PKHD1: variants seen among roughly 807,000 people sequenced by gnomAD.
PKHD1 encodes PKHD1 ciliary IPT domain containing fibrocystin/polyductin, also known as fibrocystin.
In PKHD1, 291 loss-of-function variants were observed where a neutral mutation model predicts 412.0. The observed-to-expected ratio is 0.71, with a 90% CI of 0.64 to 0.78. The LOEUF is 0.78. Ranked by LOEUF, PKHD1 falls within the 30% of genes least tolerant of loss-of-function variation. The pLI, the probability that PKHD1 is intolerant of heterozygous loss-of-function variation, is 0.00. For synonymous variants in PKHD1, 1,777 were observed against 1,821.5 expected (o/e 0.98, Z 0.62); for missense variants, 4,825 against 4,950.7 (o/e 0.97, Z 0.76).
At chr6:51,983,258 T>C (rs1463494923) in intron 35 of PKHD1, among the ~76,000 whole-genome samples, 1 of 152,228 alleles carries the variant, frequency 6.6e-6, no homozygotes, top group Non-Finnish European at 1.5e-5. Context: ...CTGCCTAGAC[T>C]ACAAAAAATA....
chr6:51,858,327 G>GAAACC (rs1283862434), intron 48 of PKHD1, among the ~76,000 whole-genome samples: 1 of 152,120 alleles, frequency 6.6e-6, no homozygotes, highest in Non-Finnish European at 1.5e-5. Context: ...TCCCCTGATG[G>GAAACC]AAACCATGAG....
rs1210348558 is a variant in PKHD1 at position 51,934,238 on chromosome 6, A to G, written c.5993T>C (p.Ile1998Thr). The change falls in exon 37 of 67, where the codon ATT becomes ACT. Residue 1998 changes from isoleucine (I) to threonine (T), a missense_variant. By Grantham distance (89) the Ile-to-Thr change is moderately conservative. Coordinates refer to ENST00000371117, the MANE Select transcript of PKHD1 (RefSeq NM_138694.4). ...TTGGAAGGGCTTGTCTTCGGATCCA[A>G]TCCGGAGCTCTCCACCATCAGAAAC... ...ILVSDGGELRIGSEDKPFQGR... is the reference protein window; with the variant it reads ...ILVSDGGELRTGSEDKPFQGR... 1 of 1,613,890 alleles carries G rather than the reference A, an allele frequency of 6.2e-7. No individual in the cohort carries two copies. Among genetic ancestry groups the G allele is most frequent in the South Asian group, 1.1e-5 (1 of 91,074 alleles).
intron 35 of PKHD1, among the ~76,000 whole-genome samples, chr6:51,968,487 A>T (rs1793178197): frequency 6.6e-6 from 1 of 152,180 alleles, no homozygotes; most frequent in African/African-American, 2.4e-5. Context: ...GTTATTCCAC[A>T]CAAATTCCTT....
chr6:51,759,652 C>T (rs1214624043), intron 55 of PKHD1, among the ~76,000 whole-genome samples: 1 of 151,114 alleles, frequency 6.6e-6, no homozygotes, highest in African/African-American at 2.5e-5. Flanking sequence ...CTTGTACTTT[C>T]GACTTAAAGA....
chr6:51,828,689 A>G (rs1212628073), intron 52 of PKHD1, among the ~76,000 whole-genome samples: 1 of 152,086 alleles, frequency 6.6e-6, no homozygotes, highest in Non-Finnish European at 1.5e-5. Flanking sequence ...GGACAAATTT[A>G]TTTGATTTAA....
intron 60 of PKHD1, among the ~76,000 whole-genome samples, chr6:51,666,915 G>A (rs1445627062): frequency 7.9e-5 from 12 of 151,828 alleles, no homozygotes; most frequent in South Asian, 2.1e-4. Context: ...TGGTGTATAC[G>A]TGCCACATTT....
rs533472942 is a variant in PKHD1, at chr6:51,775,509, A to G, written c.8554+299T>C. Among the ~76,000 whole-genome samples, 23 of 152,052 alleles carry G rather than the reference A, an allele frequency of 1.5e-4. No individual in the cohort carries two copies. In the South Asian group the frequency reaches 4.8e-3, roughly 32 times the overall value. On this transcript the variant is annotated intron_variant, in intron 54 of 66. Coordinates refer to ENST00000371117, the MANE Select transcript of PKHD1 (RefSeq NM_138694.4). ...AATCGAGTAGTATTTATAGTTGATAATATTGACTCAGTCGAAACTTTAGTG... is the reference window on the plus strand; with the variant it reads ...AATCGAGTAGTATTTATAGTTGATAGTATTGACTCAGTCGAAACTTTAGTG...
At chr6:51,699,886 T>A (rs1422270617) in intron 60 of PKHD1, among the ~76,000 whole-genome samples, 2 of 139,682 alleles carry the variant, frequency 1.4e-5, no homozygotes, top group African/African-American at 5.0e-5. Flanking sequence ...TAGTATTAAA[T>A]AGAACAAATT....
intron 55 of PKHD1, among the ~76,000 whole-genome samples, chr6:51,761,925 T>A (rs9382009): frequency 6.6e-6 from 1 of 151,770 alleles, no homozygotes; most frequent in Admixed American, 6.6e-5. Context: ...GCTCCTTACC[T>A]AGTTTCTTAG....
intron 52 of PKHD1, among the ~76,000 whole-genome samples, chr6:51,821,559 T>C (rs930630998): frequency 3.3e-5 from 5 of 152,228 alleles, no homozygotes; most frequent in Non-Finnish European, 7.3e-5. Context: ...TTAAATAACA[T>C]GGACTTCAAT....
rs1040233211 is a variant in PKHD1, at chr6:51,938,909, C to T, written c.5909-4587G>A. Among the ~76,000 whole-genome samples the T allele has an allele frequency of 2.6e-5, 4 of 151,622 alleles. No individual in the cohort carries two copies. In the South Asian group the frequency reaches 8.3e-4, roughly 31 times the overall value. On this transcript the variant is annotated intron_variant, in intron 36 of 66. Transcript: ENST00000371117. ...TTCTCCTTTCAATCTTGGTGCCACA[C>T]TTCAATCTCTCTCTTCTCTTAATTT...
chr6:52,051,602 A>C (rs1806855147), intron 21 of PKHD1, among the ~76,000 whole-genome samples: 1 of 152,096 alleles, frequency 6.6e-6, no homozygotes, highest in Non-Finnish European at 1.5e-5. Context: ...TTCCAGATAC[A>C]CAGAGAATTT....
Position 52,062,511 on chromosome 6 carries a change from C to A in PKHD1, c.1118+8G>T, listed in dbSNP as rs1250174417. On this transcript the variant is annotated splice_region_variant and intron_variant, in intron 14 of 66. Coordinates refer to ENST00000371117, the MANE Select transcript of PKHD1 (RefSeq NM_138694.4). ...TTGATGTGGGCTCCCACTTTTCCTACAACATACCTGAAAGGTTGTCCTTCC... is the reference window on the plus strand; with the variant it reads ...TTGATGTGGGCTCCCACTTTTCCTAAAACATACCTGAAAGGTTGTCCTTCC... 1 of 1,613,932 alleles carries A rather than the reference C, an allele frequency of 6.2e-7. No individual in the cohort carries two copies. The highest frequency in any genetic ancestry group is 8.5e-7 in the Non-Finnish European group (1 of 1,179,824).
At chr6:51,722,274 A>T (rs541380334) in intron 60 of PKHD1, among the ~76,000 whole-genome samples, 1 of 152,226 alleles carries the variant, frequency 6.6e-6, no homozygotes, top group South Asian at 2.1e-4. Context: ...ACATTGCTTT[A>T]TATTACAGTT....
intron 54 of PKHD1, among the ~76,000 whole-genome samples, chr6:51,773,840 T>C (rs995991572): frequency 1.3e-5 from 2 of 151,312 alleles, no homozygotes; most frequent in Non-Finnish European, 3.0e-5. Flanking sequence ...ACTGTTTATA[T>C]CAACATCCAC....
chr6:51,807,477 ATATG>A (rs1562356586), intron 52 of PKHD1, among the ~76,000 whole-genome samples: 1 of 71,804 alleles, frequency 1.4e-5, no homozygotes, highest in African/African-American at 5.5e-5. Context: ...ATATATATAT[ATATG>A]TATATGTGTG....
At chr6:51,675,475 T>C (rs1325334297) in intron 60 of PKHD1, among the ~76,000 whole-genome samples, 1 of 152,212 alleles carries the variant, frequency 6.6e-6, no homozygotes, top group African/African-American at 2.4e-5. Flanking sequence ...CTGGCTTTGG[T>C]AATCATAATG....
At chr6:51,626,183 T>C (rs1455778801) in intron 66 of PKHD1, among the ~76,000 whole-genome samples, 1 of 152,060 alleles carries the variant, frequency 6.6e-6, no homozygotes, top group African/African-American at 2.4e-5. Flanking sequence ...CAGAATAACA[T>C]TGGACTGCTA....
intron 34 of PKHD1, among the ~76,000 whole-genome samples, chr6:52,012,804 T>G (rs557666575): frequency 1.6e-4 from 25 of 152,318 alleles, no homozygotes; most frequent in Admixed American, 8.5e-4. Context: ...CTTATAAACC[T>G]ATCAGAAAGG....
Sources: allele counts gnomAD v4.1 joint callset (sites outside exome capture counted in the v4.1 genomes callset), GRCh38; gene constraint gnomAD v4.1.1; transcripts MANE v1.5; gene names NCBI Gene and HGNC (gene_info 2026-07-23, HGNC 2026-07-21).